The following SMYD3 variants were observed in gnomAD, a reference collection of about 807,000 sequenced individuals.
SMYD3 encodes histone-lysine N-methyltransferase SMYD3.
Under a neutral mutation model 57.7 loss-of-function variants are expected in SMYD3, and 36 were observed. The observed-to-expected ratio is 0.62, with a 90% CI of 0.48 to 0.82. The LOEUF (loss-of-function observed/expected upper bound fraction) is 0.82. Ranked by LOEUF, SMYD3 falls within the 40% of genes least tolerant of loss-of-function variation. The probability of loss-of-function intolerance (pLI) is 0.00; values close to 1 mark genes in which losing one functional copy is unlikely to be tolerated. For missense variants in SMYD3, 515 were observed against 538.8 expected (o/e 0.96, Z 0.44); for synonymous variants, 211 against 195.0 (o/e 1.08, Z -0.68).
chr1:245,875,697 G>A (rs1365013122), intron 8 of SMYD3, among the ~76,000 whole-genome samples: 1 of 152,176 alleles, frequency 6.6e-6, no homozygotes, highest in Admixed American at 6.5e-5. Context: ...GAAGATTTAG[G>A]AAATGATTAC....
intron 1 of SMYD3, among the ~76,000 whole-genome samples, chr1:246,409,251 A>G (rs1315293447): frequency 6.6e-6 from 1 of 152,216 alleles, no homozygotes; most frequent in East Asian, 1.9e-4. Flanking sequence ...AGTCTTGCCC[A>G]TGCCTATGTC....
At chr1:246,118,528 C>T (rs2061375275) in intron 5 of SMYD3, among the ~76,000 whole-genome samples, 1 of 152,216 alleles carries the variant, frequency 6.6e-6, no homozygotes, top group Admixed American at 6.5e-5. Flanking sequence ...CTGACGCTTA[C>T]TCAAGAATGT....
intron 1 of SMYD3, among the ~76,000 whole-genome samples, chr1:246,410,082 G>C (rs9895256): frequency 1.3e-5 from 2 of 152,048 alleles, no homozygotes; most frequent in East Asian, 3.9e-4. Flanking sequence ...TGAGATGATC[G>C]GGTTTTCTAG....
chr1:246,203,852 A>G lies in SMYD3; in HGVS notation c.531+123349T>C, dbSNP rs1363229658. Among the ~76,000 whole-genome samples, 1 of 152,070 alleles carries G rather than the reference A, an allele frequency of 6.6e-6. No homozygotes were observed. The highest frequency in any genetic ancestry group is 1.9e-4 in the East Asian group (1 of 5,196). On this transcript the variant is annotated intron_variant, in intron 5 of 11. Transcript: ENST00000490107. The surrounding 1 kb of genome is among the most constrained non-coding windows in gnomAD (Gnocchi z 4.6). Reference sequence around the variant, plus strand: ...CTTTTTCATATTTAATGCACCAACAACCCACTCCTAGTCCAGATCTTCCCC... The same window carrying G: ...CTTTTTCATATTTAATGCACCAACAGCCCACTCCTAGTCCAGATCTTCCCC...
At chr1:246,070,230 G>C (rs2060419479) in intron 5 of SMYD3, among the ~76,000 whole-genome samples, 1 of 152,138 alleles carries the variant, frequency 6.6e-6, no homozygotes, top group Non-Finnish European at 1.5e-5. Context: ...CCTCCATCCT[G>C]AGGGCTGAAC....
chr1:245,798,098 T>A (rs549089787), intron 10 of SMYD3, among the ~76,000 whole-genome samples: 4 of 96,616 alleles, frequency 4.1e-5, no homozygotes, highest in African/African-American at 2.2e-4. Context: ...TATTTTTTTT[T>A]TTAAAATATG....
chr1:246,287,385 T>G lies in SMYD3; in HGVS notation c.531+39816A>C, dbSNP rs533687603. ...AGCTTTTGTAGTAAAAACCCATGAA[T>G]GTAATCACTATTTAATAGTTTATGT... On this transcript the variant is annotated intron_variant, in intron 5 of 11. Transcript: ENST00000490107. Among the ~76,000 whole-genome samples, 5 of 152,300 alleles carry G rather than the reference T, an allele frequency of 3.3e-5. 1 individual carries two copies. Among genetic ancestry groups the G allele is most frequent in the Non-Finnish European group, 4.4e-5 (3 of 68,024 alleles).
chr1:246,043,583 T>C (rs185913059), intron 5 of SMYD3, among the ~76,000 whole-genome samples: 1 of 152,296 alleles, frequency 6.6e-6, no homozygotes, highest in Admixed American at 6.5e-5. Flanking sequence ...AACACACACG[T>C]TCTCCTGCAG....
intron 5 of SMYD3, among the ~76,000 whole-genome samples, chr1:246,098,872 T>C (rs993719320): frequency 1.3e-5 from 2 of 152,108 alleles, no homozygotes; most frequent in African/African-American, 4.8e-5. Context: ...CATAAACACA[T>C]GTTAAAATAT....
intron 5 of SMYD3, among the ~76,000 whole-genome samples, chr1:245,932,618 G>A (rs939739197): frequency 2.0e-5 from 3 of 152,124 alleles, no homozygotes; most frequent in Non-Finnish European, 2.9e-5. Flanking sequence ...GGAGTGCAGT[G>A]GTGCGATCAT....
At chr1:246,027,135 A>C (rs2059589163) in intron 5 of SMYD3, among the ~76,000 whole-genome samples, 2 of 152,170 alleles carry the variant, frequency 1.3e-5, no homozygotes, top group Admixed American at 1.3e-4. Context: ...AAATTCTATA[A>C]AGGCTGAGAG....
chr1:246,361,074 A>C (rs1215126122), intron 1 of SMYD3, among the ~76,000 whole-genome samples: 1 of 152,250 alleles, frequency 6.6e-6, no homozygotes, highest in African/African-American at 2.4e-5. Flanking sequence ...CATATCCAGA[A>C]TCTACAAAGA....
At chr1:246,182,093 C>G in intron 5 of SMYD3, among the ~76,000 whole-genome samples, 1 of 152,158 alleles carries the variant, frequency 6.6e-6, no homozygotes, top group East Asian at 1.9e-4. Context: ...CCAAATTAAT[C>G]TAATTTTTAA....
chr1:246,144,772 T>A lies in SMYD3; in HGVS notation c.531+182429A>T, dbSNP rs143450662. Among the ~76,000 whole-genome samples the A allele has an allele frequency of 5.0e-3, 768 of 152,294 alleles. 10 individuals are homozygous for A. The highest frequency in any genetic ancestry group is 0.017 in the Middle Eastern group (5 of 294). On this transcript the variant is annotated intron_variant, in intron 5 of 11. Coordinates refer to ENST00000490107, the MANE Select transcript of SMYD3 (RefSeq NM_001167740.2). ...TTCATAAACAAGACCTTTGGAAAAC[T>A]GCTGACTTTAATGGAAAGAGATAAA...
intron 5 of SMYD3, among the ~76,000 whole-genome samples, chr1:246,320,774 A>T (rs2065234154): frequency 6.6e-6 from 1 of 152,238 alleles, no homozygotes; most frequent in Non-Finnish European, 1.5e-5. Context: ...CTCAAAACAA[A>T]TTCTACTGAA....
intron 5 of SMYD3, among the ~76,000 whole-genome samples, chr1:246,214,893 T>C (rs778428402): frequency 6.6e-6 from 1 of 152,200 alleles, no homozygotes; most frequent in African/African-American, 2.4e-5. Context: ...AGCAGTACTA[T>C]AAAACTTATA....
intron 6 of SMYD3, among the ~76,000 whole-genome samples, chr1:245,928,790 C>A (rs910833032): frequency 2.6e-5 from 4 of 152,194 alleles, no homozygotes; most frequent in African/African-American, 9.7e-5. Flanking sequence ...GCTAGAACAT[C>A]CACACTGAAA....
intron 5 of SMYD3, among the ~76,000 whole-genome samples, chr1:246,146,455 C>T (rs1460439643): frequency 6.6e-6 from 1 of 152,190 alleles, no homozygotes; most frequent in Non-Finnish European, 1.5e-5. Context: ...GACCTCTGTC[C>T]AAACAAACCT....
chr1:245,951,006 T>G (rs577517437), intron 5 of SMYD3, among the ~76,000 whole-genome samples: 1 of 152,262 alleles, frequency 6.6e-6, no homozygotes, highest in African/African-American at 2.4e-5. Flanking sequence ...GGCATATTAG[T>G]TGGCTATTTG....
Sources: allele counts gnomAD v4.1 joint callset (sites outside exome capture counted in the v4.1 genomes callset), GRCh38; gene constraint gnomAD v4.1.1; non-coding constraint Gnocchi (gnomAD v3.1); transcripts MANE v1.5; gene names NCBI Gene and HGNC (gene_info 2026-07-23, HGNC 2026-07-21).